XRCC4: variants seen among roughly 807,000 people sequenced by gnomAD.
The protein encoded by XRCC4 is DNA repair protein XRCC4.
In XRCC4, 28 loss-of-function variants were observed where a neutral mutation model predicts 39.1. That is an observed-to-expected ratio of 0.72 (90% CI 0.53 to 0.98). The LOEUF is 0.98. Among genes scored for constraint, XRCC4 ranks in the 50% least tolerant of loss-of-function variants. The pLI, the probability that XRCC4 is intolerant of heterozygous loss-of-function variation, is 0.00. For missense variants in XRCC4, 350 were observed against 376.4 expected (o/e 0.93, Z 0.58); for synonymous variants, 123 against 126.4 (o/e 0.97, Z 0.18).
At chr5:83,122,261 C>T (rs1182892134) in intron 3 of XRCC4, among the ~76,000 whole-genome samples, 1 of 152,168 alleles carries the variant, frequency 6.6e-6, no homozygotes, top group Admixed American at 6.6e-5. Flanking sequence ...ACAGAATTGA[C>T]ATCTTAACCA....
downstream of XRCC4, among the ~76,000 whole-genome samples, chr5:83,357,460 G>A (rs1027962277): frequency 2.0e-5 from 3 of 152,154 alleles, no homozygotes; most frequent in Non-Finnish European, 2.9e-5. Flanking sequence ...CGGGGGGGTT[G>A]GAGAGTGGGC....
chr5:83,114,735 C>T (rs1374076954), intron 3 of XRCC4, among the ~76,000 whole-genome samples: 1 of 152,192 alleles, frequency 6.6e-6, no homozygotes, highest in African/African-American at 2.4e-5. Context: ...CCAAACTGTT[C>T]CAGTCTCTGC....
chr5:83,268,462 A>G (rs895344323), intron 7 of XRCC4, among the ~76,000 whole-genome samples: 2 of 152,162 alleles, frequency 1.3e-5, no homozygotes, highest in Non-Finnish European at 2.9e-5. Context: ...ATCATTTTAC[A>G]TCATTTCATT....
At chr5:83,222,367 T>C (rs948892571) in intron 6 of XRCC4, among the ~76,000 whole-genome samples, 2 of 152,188 alleles carry the variant, frequency 1.3e-5, no homozygotes, top group African/African-American at 4.8e-5. Flanking sequence ...AAAACAACAC[T>C]TCAGTGCATT....
intron 7 of XRCC4, among the ~76,000 whole-genome samples, chr5:83,270,241 C>T (rs1233573515): frequency 6.6e-6 from 1 of 152,138 alleles, no homozygotes; most frequent in East Asian, 1.9e-4. Flanking sequence ...CTTACTTACT[C>T]ACCCACCACT....
intron 3 of XRCC4, among the ~76,000 whole-genome samples, chr5:83,122,142 A>T (rs1279878248): frequency 1.3e-5 from 2 of 152,072 alleles, no homozygotes; most frequent in Non-Finnish European, 2.9e-5. Flanking sequence ...TTATTTTTGA[A>T]TTTGCTTTAG....
At chr5:83,154,686 T>C (rs1008337444) in intron 3 of XRCC4, among the ~76,000 whole-genome samples, 1 of 152,200 alleles carries the variant, frequency 6.6e-6, no homozygotes, top group Non-Finnish European at 1.5e-5. Context: ...AGCAATAGTC[T>C]TTCTTTTATT....
At chr5:83,323,029 T>TTCGAAGTA (rs1756129894) in intron 7 of XRCC4, among the ~76,000 whole-genome samples, 5 of 152,088 alleles carry the variant, frequency 3.3e-5, no homozygotes, top group Admixed American at 2.6e-4. Flanking sequence ...AAGAGCCCTA[T>TTCGAAGTA]TCGAAGTATG....
chr5:83,347,542 T>C (rs561264991), intron 7 of XRCC4, among the ~76,000 whole-genome samples: 1 of 152,226 alleles, frequency 6.6e-6, no homozygotes, highest in African/African-American at 2.4e-5. Context: ...ACTCACACAC[T>C]ATCGTGAGAA....
At chr5:83,079,861 C>T (rs1744856831) in intron 1 of XRCC4, among the ~76,000 whole-genome samples, 1 of 152,098 alleles carries the variant, frequency 6.6e-6, no homozygotes, top group South Asian at 2.1e-4. Flanking sequence ...ATTATCTCAC[C>T]TGCATCTGGA....
At position 83,334,890 on chromosome 5, in the gene XRCC4, G is replaced by A. The variant is rs570606548; in HGVS notation, c.894-18241G>A. Among the ~76,000 whole-genome samples, 5 of 152,022 alleles carry A rather than the reference G, an allele frequency of 3.3e-5. No homozygotes were observed. In the South Asian group the frequency reaches 8.3e-4, roughly 25 times the overall value. On this transcript the variant is annotated intron_variant, in intron 7 of 7. Coordinates refer to ENST00000396027, the MANE Select transcript of XRCC4 (RefSeq NM_003401.5). Reference sequence around the variant, plus strand: ...GTGTTTGAAATCTTACTCTTCTTAAGAAATGATAAGGGAAATTCATTATTT... The same window carrying A: ...GTGTTTGAAATCTTACTCTTCTTAAAAAATGATAAGGGAAATTCATTATTT...
chr5:83,354,698 AC>A (rs1274470786), downstream of XRCC4, among the ~76,000 whole-genome samples: 2 of 152,142 alleles, frequency 1.3e-5, no homozygotes, highest in Non-Finnish European at 2.9e-5. Context: ...CTCCAGTCTT[AC>A]CCATTTGGGA....
At chr5:83,181,040 T>C (rs996429491) in intron 3 of XRCC4, among the ~76,000 whole-genome samples, 4 of 146,594 alleles carry the variant, frequency 2.7e-5, no homozygotes, top group East Asian at 1.9e-4. Context: ...TCCCTGATTG[T>C]ACTTTAAACT....
At chr5:83,227,861 C>T (rs1752349746) in intron 6 of XRCC4, among the ~76,000 whole-genome samples, 1 of 152,012 alleles carries the variant, frequency 6.6e-6, no homozygotes, top group Non-Finnish European at 1.5e-5. Flanking sequence ...GATTTCTTCT[C>T]AGGGATTCGT....
rs116726820 is a variant in XRCC4 at position 83,171,608 on chromosome 5, C to G, written c.316-24162C>G. Among the ~76,000 whole-genome samples the G allele has an allele frequency of 1.2e-3, 177 of 152,256 alleles. 1 individual carries two copies. Among genetic ancestry groups the G allele is most frequent in the African/African-American group, 3.8e-3 (156 of 41,538 alleles). On this transcript the variant is annotated intron_variant, in intron 3 of 7. Transcript: ENST00000396027. ...AGCTGCCCTGAAGATGGGAAATGCT[C>G]TCTGTATTTTGCCATTCCATCAACT...
intron 1 of XRCC4, among the ~76,000 whole-genome samples, chr5:83,080,176 G>A (rs889911864): frequency 6.6e-6 from 1 of 152,152 alleles, no homozygotes; most frequent in Non-Finnish European, 1.5e-5. Flanking sequence ...CCTTATCTGA[G>A]GTTTTGATTT....
chr5:83,256,069 T>C (rs1228998651), intron 6 of XRCC4, among the ~76,000 whole-genome samples: 2 of 152,226 alleles, frequency 1.3e-5, no homozygotes, highest in Non-Finnish European at 2.9e-5. Context: ...TTTTTATCAA[T>C]AGGCATGCAT....
At chr5:83,101,232 A>G (rs994425650) in intron 1 of XRCC4, among the ~76,000 whole-genome samples, 1 of 152,000 alleles carries the variant, frequency 6.6e-6, no homozygotes, top group Non-Finnish European at 1.5e-5. Flanking sequence ...CATATTTATA[A>G]TTTTTATGTT....
intron 6 of XRCC4, among the ~76,000 whole-genome samples, chr5:83,232,270 TTTAG>T (rs1752522309): frequency 6.6e-6 from 1 of 152,038 alleles, no homozygotes; most frequent in Admixed American, 6.6e-5. Flanking sequence ...AAGCCACCCT[TTTAG>T]TTAGTTGTGT....
Sources: gnomAD v4.1 joint callset for allele counts (sites outside exome capture counted in the v4.1 genomes callset) on GRCh38, gnomAD v4.1.1 for gene constraint, MANE v1.5 for transcripts, NCBI Gene and HGNC (gene_info 2026-07-23, HGNC 2026-07-21) for gene names.